BMP7: variants seen among roughly 807,000 people sequenced by gnomAD.
The protein encoded by BMP7 is osteogenic protein 1.
Under a neutral mutation model 41.2 loss-of-function variants are expected in BMP7, and 12 were observed. The ratio of observed to expected loss-of-function variants is 0.29; its 90% CI spans 0.19 to 0.47. The LOEUF (loss-of-function observed/expected upper bound fraction) is 0.47. Among genes scored for constraint, BMP7 ranks in the 20% least tolerant of loss-of-function variants. The probability of loss-of-function intolerance (pLI) is 0.99; values close to 1 mark genes in which losing one functional copy is unlikely to be tolerated. For missense variants in BMP7, 467 were observed against 606.0 expected (o/e 0.77, Z 2.41); for synonymous variants, 248 against 250.0 (o/e 0.99, Z 0.07).
At chr20:57,236,969 G>A (rs892730791) in intron 1 of BMP7, among the ~76,000 whole-genome samples, 23 of 152,166 alleles carry the variant, frequency 1.5e-4, no homozygotes, top group African/African-American at 4.8e-4. Flanking sequence ...ATGGTCTTCA[G>A]AAAAAATTTG....
At chr20:57,198,579 C>T (rs886836366) in intron 3 of BMP7, among the ~76,000 whole-genome samples, 11 of 152,154 alleles carry the variant, frequency 7.2e-5, no homozygotes, top group African/African-American at 1.9e-4. Context: ...GCCCCAGCTG[C>T]GGCTGCTCCG....
chr20:57,189,175 T>A (rs553860194), intron 3 of BMP7, among the ~76,000 whole-genome samples: 6 of 152,326 alleles, frequency 3.9e-5, no homozygotes, highest in African/African-American at 2.4e-5. Flanking sequence ...TTGGAAGAAA[T>A]TGGACTGAAA....
chr20:57,205,834 C>T (rs540207544), intron 2 of BMP7, among the ~76,000 whole-genome samples: 9 of 152,290 alleles, frequency 5.9e-5, no homozygotes, highest in Admixed American at 1.3e-4. Flanking sequence ...CATGAATCAA[C>T]GTGAATGCGT....
intron 2 of BMP7, among the ~76,000 whole-genome samples, chr20:57,211,416 C>A (rs1013138859): frequency 1.3e-5 from 2 of 150,788 alleles, no homozygotes; most frequent in Non-Finnish European, 1.5e-5. Flanking sequence ...CTGGCCCAGG[C>A]CCACCATCAA....
chr20:57,202,581 G>A lies in BMP7; in HGVS notation c.654C>T (p.Ala218=), dbSNP rs773246134. ...LFLLDSRTLW[A]SEEGWLVFDI... ...CAAACACCAGCCAGCCCTCCTCCGA[G>A]GCCCAGAGGGTACGGCTGTCGAGCA... Residue 218 remains alanine, a synonymous_variant, in exon 3 of 7, where the codon GCC becomes GCT. Coordinates refer to ENST00000395863, the MANE Select transcript of BMP7 (RefSeq NM_001719.3). The A allele has an allele frequency of 1.2e-6, 2 of 1,612,634 alleles. No homozygotes were observed.
intron 2 of BMP7, among the ~76,000 whole-genome samples, chr20:57,205,161 G>GTTTA (rs34702470): frequency 1.3e-5 from 2 of 152,058 alleles, no homozygotes; most frequent in Non-Finnish European, 2.9e-5. Flanking sequence ...TTGTTTGTTT[G>GTTTA]TTTTTAAAGA....
At chr20:57,239,130 C>G (rs969486467) in intron 1 of BMP7, among the ~76,000 whole-genome samples, 5 of 152,176 alleles carry the variant, frequency 3.3e-5, no homozygotes, top group Admixed American at 2.6e-4. Flanking sequence ...TCATCTGAGA[C>G]AAAGCAAGTC....
At chr20:57,200,036 T>C (rs1475526341) in intron 3 of BMP7, among the ~76,000 whole-genome samples, 4 of 152,204 alleles carry the variant, frequency 2.6e-5, no homozygotes, top group African/African-American at 4.8e-5. Context: ...CTCTGAAATA[T>C]GGAGCCCCGG....
At chr20:57,222,560 G>T (rs1488617401) in intron 2 of BMP7, among the ~76,000 whole-genome samples, 1 of 152,038 alleles carries the variant, frequency 6.6e-6, no homozygotes, top group Non-Finnish European at 1.5e-5. Flanking sequence ...GTTCTGGAGT[G>T]AGGCCCAGAG....
At chr20:57,216,855 T>C (rs1226423851) in intron 2 of BMP7, among the ~76,000 whole-genome samples, 1 of 152,038 alleles carries the variant, frequency 6.6e-6, no homozygotes, top group Non-Finnish European at 1.5e-5. Flanking sequence ...CAGCCAGACA[T>C]GGGCTGGAGG....
At chr20:57,222,664 G>A (rs1985215190) in intron 2 of BMP7, among the ~76,000 whole-genome samples, 1 of 152,070 alleles carries the variant, frequency 6.6e-6, no homozygotes, top group Admixed American at 6.5e-5. Flanking sequence ...GCAGCCAAAA[G>A]GAATCCTCCT....
chr20:57,231,316 C>T (rs1450146510), intron 1 of BMP7, among the ~76,000 whole-genome samples: 1 of 152,194 alleles, frequency 6.6e-6, no homozygotes, highest in African/African-American at 2.4e-5. Flanking sequence ...AGTTCATAGG[C>T]GTTCAGGGAG....
rs1600648717 is a variant in BMP7, at chr20:57,261,448, C to G, written c.418+4257G>C. On this transcript the variant is annotated intron_variant, in intron 1 of 6. Coordinates refer to ENST00000395863, the MANE Select transcript of BMP7 (RefSeq NM_001719.3). This position sits in a 1 kb window ranked among gnomAD's most constrained non-coding sequence, Gnocchi z 4.1. ...GGCTCAGCCTTACCCTGCCTTGATTCCAGAAGGAAAATACATAGAAAATGA... is the reference window on the plus strand; with the variant it reads ...GGCTCAGCCTTACCCTGCCTTGATTGCAGAAGGAAAATACATAGAAAATGA... Among the ~76,000 whole-genome samples the G allele has an allele frequency of 6.6e-6, 1 of 152,226 alleles. No homozygotes were observed. The highest frequency in any genetic ancestry group is 1.9e-4 in the East Asian group (1 of 5,188).
intron 1 of BMP7, among the ~76,000 whole-genome samples, chr20:57,256,861 C>T (rs1229778118): frequency 6.6e-6 from 1 of 151,592 alleles, no homozygotes; most frequent in Non-Finnish European, 1.5e-5. Context: ...GCACTCCAGC[C>T]TGGGCAACAA....
In BMP7 at chr20:57,265,971, C is replaced by G. The variant is rs2066176145; in HGVS notation, c.152G>C (p.Arg51Pro). 1 of 1,551,662 alleles carries G rather than the reference C, an allele frequency of 6.4e-7. No individual in the cohort carries two copies. Among genetic ancestry groups the G allele is most frequent in the Non-Finnish European group, 8.7e-7 (1 of 1,147,420 alleles). The change falls in exon 1 of 7, where the codon CGG becomes CCG. Residue 51 changes from arginine to proline, a missense_variant. Arg to Pro is a moderately radical substitution (Grantham distance 103). This residue lies in a region of BMP7 where 407 missense variants were observed against 485.9 expected (regional missense o/e 0.84). Transcript: ENST00000395863. Reference sequence around the variant, plus strand: ...GAGGATCTCGCGCTGCATCTCCCGCCGCTCCTGGCTGCGGAGGCGCCGGTG... The same window carrying G: ...GAGGATCTCGCGCTGCATCTCCCGCGGCTCCTGGCTGCGGAGGCGCCGGTG... ...FIHRRLRSQE[R>P]REMQREILSI...
At chr20:57,217,256 C>T (rs1243452003) in intron 2 of BMP7, among the ~76,000 whole-genome samples, 1 of 152,166 alleles carries the variant, frequency 6.6e-6, no homozygotes, top group African/African-American at 2.4e-5. Flanking sequence ...TCCCTAAGCC[C>T]ACAGCATGGA....
Position 57,259,264 on chromosome 20 carries a change from G to T in BMP7, c.418+6441C>A, listed in dbSNP as rs2066145072. Among the ~76,000 whole-genome samples the T allele has an allele frequency of 6.6e-6, 1 of 152,136 alleles. No homozygotes were observed. The highest frequency in any genetic ancestry group is 2.1e-4 in the South Asian group (1 of 4,816). On this transcript the variant is annotated intron_variant, in intron 1 of 6. Coordinates refer to ENST00000395863, the MANE Select transcript of BMP7 (RefSeq NM_001719.3). This position sits in a 1 kb window ranked among gnomAD's most constrained non-coding sequence, Gnocchi z 4.7. ...TAGCTGCAAAGTGTCAGGAGACTTG[G>T]CCAGGCAGCCCCAAGCATCAGCGAG...
chr20:57,223,180 G>A (rs1985230500), intron 2 of BMP7, among the ~76,000 whole-genome samples: 1 of 151,170 alleles, frequency 6.6e-6, no homozygotes, highest in Non-Finnish European at 1.5e-5. Flanking sequence ...CAGTGAGCTG[G>A]GATCGTGCCA....
intron 1 of BMP7, among the ~76,000 whole-genome samples, chr20:57,253,343 G>A (rs1327661603): frequency 6.6e-6 from 1 of 152,188 alleles, no homozygotes; most frequent in East Asian, 1.9e-4. Flanking sequence ...TTGGGGAATG[G>A]AGTAGGGGGC....
Sources: gnomAD v4.1 joint callset for allele counts (sites outside exome capture counted in the v4.1 genomes callset) on GRCh38, gnomAD v4.1.1 for gene constraint, gnomAD v4.1.1 regional missense constraint, Gnocchi (gnomAD v3.1) non-coding constraint, MANE v1.5 for transcripts, NCBI Gene and HGNC (gene_info 2026-07-23, HGNC 2026-07-21) for gene names.